The following CEPT1 variants were observed in gnomAD, a reference collection of about 807,000 sequenced individuals.
CEPT1 encodes choline/ethanolaminephosphotransferase 1.
Under a neutral mutation model 42.6 loss-of-function variants are expected in CEPT1, and 7 were observed. That is an observed-to-expected ratio of 0.16 (90% CI 0.09 to 0.31). The LOEUF is 0.31. Among genes scored for constraint, CEPT1 ranks in the 10% least tolerant of loss-of-function variants. CEPT1 has a pLI of 1.00. For missense variants in CEPT1, 306 were observed against 502.1 expected, an observed-to-expected ratio of 0.61 and a Z score of 3.73; for synonymous variants, 171 against 171.9, an observed-to-expected ratio of 0.99 and a Z score of 0.04.
chr1:111,144,347 A>G (rs1481345106), intron 1 of CEPT1, among the ~76,000 whole-genome samples: 2 of 152,238 alleles, frequency 1.3e-5, no homozygotes, highest in African/African-American at 4.8e-5. Flanking sequence ...GACTACATGT[A>G]TCTGAATTTA....
Position 111,180,062 on chromosome 1 carries a change from C to T in CEPT1, c.715-2125C>T, listed in dbSNP as rs1440063664. On this transcript the variant is annotated intron_variant, in intron 5 of 8. Coordinates refer to ENST00000357172, the MANE Select transcript of CEPT1 (RefSeq NM_006090.5). ...TTGTGTTTATTCTTCTTTCAAAGGG[C>T]AACAATTTTTATGATCCCAAAGCAA... 7 of 152,150 alleles carry T rather than the reference C, an allele frequency of 4.6e-5. No homozygotes were observed. In the East Asian group the frequency reaches 1.3e-3, roughly 29 times the overall value. 9.4% of individuals were successfully genotyped at this position (152,150 alleles called of 1,614,324 possible).
rs1362935480 is a variant in CEPT1, at chr1:111,184,994, T to G, written c.*684T>G. 1 of 152,500 alleles carries G rather than the reference T, an allele frequency of 6.6e-6. No individual in the cohort carries two copies. Among genetic ancestry groups the G allele is most frequent in the African/African-American group, 2.4e-5 (1 of 41,418 alleles). 9.4% of individuals were successfully genotyped at this position (152,500 alleles called of 1,614,324 possible). On this transcript the variant is annotated 3_prime_UTR_variant, in exon 9 of 9. Transcript: ENST00000357172. ...AAATATATGATCTAAAAGCCAACTT[T>G]TTCTCAGTTTTACTCAGTGGAAAGA...
intron 1 of CEPT1, among the ~76,000 whole-genome samples, chr1:111,143,723 A>G (rs183083392): frequency 3.9e-4 from 60 of 152,106 alleles, no homozygotes; most frequent in Admixed American, 1.2e-3. Flanking sequence ...GGTGGCTACA[A>G]TAACTTTTGG....
rs150910351 is a variant in CEPT1 at position 111,147,773 on chromosome 1, T to C, written c.59T>C (p.Val20Ala). 1.8e-5 allele frequency: 29 copies of C among 1,613,972 alleles called. No homozygotes were observed. Among genetic ancestry groups the C allele is most frequent in the Non-Finnish European group, 2.4e-5 (28 of 1,179,988 alleles). Reference sequence around the variant, plus strand: ...GGAGATTCTCACCCGGAGTCCCCAGTGGGCTTCGGGCATATGAGTACTACA... The same window carrying C: ...GGAGATTCTCACCCGGAGTCCCCAGCGGGCTTCGGGCATATGAGTACTACA... The part of the protein sequence containing the change: ...RCGDSHPESP[V>A]GFGHMSTTGC... The change falls in exon 2 of 9, where the codon GTG (valine) becomes GCG (alanine). Residue 20 changes from valine (V) to alanine (A), a missense_variant. Val to Ala is a moderately conservative substitution (Grantham distance 64, BLOSUM62 0). This residue lies in a region of CEPT1 where 53 missense variants were observed against 54.8 expected (regional missense o/e 0.97). Coordinates refer to ENST00000357172, the MANE Select transcript of CEPT1 (RefSeq NM_006090.5).
At chr1:111,177,329 CT>C (rs1183160049) in intron 5 of CEPT1, among the ~76,000 whole-genome samples, 47 of 151,742 alleles carry the variant, frequency 3.1e-4, no homozygotes, top group Admixed American at 5.9e-4. Context: ...GCTGAATAAA[CT>C]TTTGTGCACC....
At chr1:111,181,951 G>T (rs558137596) in intron 5 of CEPT1, 27 of 282,962 alleles carry the variant, frequency 9.5e-5, no homozygotes, top group African/African-American at 3.6e-4. Context: ...GTTGAATCTG[G>T]TTTTTTTGTT....
chr1:111,150,723 C>A (rs1398777213), intron 2 of CEPT1, among the ~76,000 whole-genome samples: 2 of 152,158 alleles, frequency 1.3e-5, no homozygotes, highest in African/African-American at 4.8e-5. Context: ...AGTTTAAGCT[C>A]AGTTTGTTTC....
chr1:111,146,641 T>C (rs2101232136), intron 1 of CEPT1, among the ~76,000 whole-genome samples: 2 of 152,324 alleles, frequency 1.3e-5, no homozygotes, highest in African/African-American at 4.8e-5. Context: ...TTCTATTTTC[T>C]CCATTCTGAT....
In CEPT1 at chr1:111,144,997, C is replaced by T. The variant is rs112857117; in HGVS notation, c.-73-2645C>T. ...AAATGTAAGAAATTAGCTTTGATTTCTCTCCTTGATTTGAAATATTAATTT... is the reference window on the plus strand; with the variant it reads ...AAATGTAAGAAATTAGCTTTGATTTTTCTCCTTGATTTGAAATATTAATTT... On this transcript the variant is annotated intron_variant, in intron 1 of 8. Transcript: ENST00000357172. Among the ~76,000 whole-genome samples the T allele has an allele frequency of 7.6e-3, 1,153 of 152,008 alleles. 15 individuals are homozygous for T. Among genetic ancestry groups the T allele is most frequent in the African/African-American group, 0.021 (882 of 41,466 alleles).
chr1:111,174,721 T>G (rs1285948397), intron 4 of CEPT1, among the ~76,000 whole-genome samples, 158 bp from the exon 5 acceptor site: 1 of 152,126 alleles, frequency 6.6e-6, no homozygotes, highest in East Asian at 1.9e-4. Flanking sequence ...ATGATTTTGC[T>G]CATAACAAAT....
In CEPT1 at chr1:111,157,551, C is replaced by T. The variant is rs530710616; in HGVS notation, c.340-1829C>T. On this transcript the variant is annotated intron_variant, in intron 2 of 8. Transcript: ENST00000357172. Reference sequence around the variant, plus strand: ...AAGATAGCGCAGCTCTAGAGAGTTACTGGATTCCTTTAGGAGCAAGAAGCA... The same window carrying T: ...AAGATAGCGCAGCTCTAGAGAGTTATTGGATTCCTTTAGGAGCAAGAAGCA... 8.0e-3 allele frequency among the ~76,000 whole-genome samples: 1,218 copies of T among 152,302 alleles called. 16 individuals carry two copies. The highest frequency in any genetic ancestry group is 0.028 in the African/African-American group (1,168 of 41,546).
chr1:111,154,871 C>T (rs1467861980), intron 2 of CEPT1, among the ~76,000 whole-genome samples: 1 of 152,016 alleles, frequency 6.6e-6, no homozygotes, highest in African/African-American at 2.4e-5. Flanking sequence ...TTTAATGCGC[C>T]GTTGGATTTG....
intron 6 of CEPT1, 33 bp from the exon 7 acceptor site, chr1:111,182,765 GA>G: frequency 6.3e-7 from 1 of 1,578,704 alleles, no homozygotes; most frequent in Admixed American, 1.7e-5. Flanking sequence ...GATGAGTACT[GA>G]ATACTATTAA....
At chr1:111,152,719 T>G (rs1403932310) in intron 2 of CEPT1, among the ~76,000 whole-genome samples, 1 of 152,182 alleles carries the variant, frequency 6.6e-6, no homozygotes, top group African/African-American at 2.4e-5. Flanking sequence ...ATTATGCTTT[T>G]TAAGCTGAGA....
At chr1:111,183,009 G>T (rs1254944709) in intron 7 of CEPT1, 52 bp downstream of exon 7, 37 of 1,548,220 alleles carry the variant, frequency 2.4e-5, no homozygotes, top group Non-Finnish European at 3.1e-5. Context: ...TCTTATTTTG[G>T]ATTTATGGCT....
intron 1 of CEPT1, among the ~76,000 whole-genome samples, chr1:111,141,194 A>G (rs1188634595): frequency 6.6e-6 from 1 of 152,240 alleles, no homozygotes; most frequent in Non-Finnish European, 1.5e-5. Flanking sequence ...TATTAGGAAT[A>G]TGTCCAGTCC....
chr1:111,175,836 C>T lies in CEPT1; in HGVS notation c.714+873C>T, dbSNP rs566893955. Among the ~76,000 whole-genome samples, 4 of 152,130 alleles carry T rather than the reference C, an allele frequency of 2.6e-5. No individual in the cohort carries two copies. The East Asian group carries it at 7.7e-4, about 29-fold the overall frequency. ...ACTCCCCTGGTCATCAGTTAATTGC[C>T]GATTTCTACCATCACCCCTTCAGAA... On this transcript the variant is annotated intron_variant, in intron 5 of 8. Transcript: ENST00000357172.
At chr1:111,146,077 T>A (rs1654944911) in intron 1 of CEPT1, among the ~76,000 whole-genome samples, 1 of 150,374 alleles carries the variant, frequency 6.7e-6, no homozygotes, top group South Asian at 2.1e-4. Flanking sequence ...ATTAAGATTC[T>A]TTCTTTTTTT....
rs1039280836 is a variant in CEPT1 at position 111,157,867 on chromosome 1, A to G, written c.340-1513A>G. On this transcript the variant is annotated intron_variant, in intron 2 of 8. Coordinates refer to ENST00000357172, the MANE Select transcript of CEPT1 (RefSeq NM_006090.5). ...ACAGAATATACTGAATGTTATTTGC[A>G]TCTCTGAGTGTTTAATATTCACAGT... Among the ~76,000 whole-genome samples the G allele has an allele frequency of 5.3e-5, 8 of 152,366 alleles. No homozygotes were observed. The East Asian group carries it at 1.2e-3, about 22-fold the overall frequency.
Sources: allele counts gnomAD v4.1 joint callset (sites outside exome capture counted in the v4.1 genomes callset), GRCh38; gene constraint gnomAD v4.1.1; regional missense constraint gnomAD v4.1.1; transcripts MANE v1.5; gene names NCBI Gene and HGNC (gene_info 2026-07-23, HGNC 2026-07-21).